Variants in OPCML observed in about 807,000 individuals in gnomAD.
OPCML encodes the protein opioid-binding protein/cell adhesion molecule.
OPCML carries 13 observed loss-of-function variants against 37.8 expected under a neutral mutation model. The ratio of observed to expected loss-of-function variants is 0.34; its 90% CI spans 0.22 to 0.55. OPCML has a LOEUF of 0.55. Among genes scored for constraint, OPCML ranks in the 20% least tolerant of loss-of-function variants. The pLI is 0.91. For synonymous variants in OPCML, 176 were observed against 168.8 expected, an observed-to-expected ratio of 1.04 and a Z score of -0.33; for missense variants, 341 against 435.6, an observed-to-expected ratio of 0.78 and a Z score of 1.93.
chr11:132,640,636 A>G (rs1940795135), intron 3 of OPCML, among the ~76,000 whole-genome samples: 1 of 152,210 alleles, frequency 6.6e-6, no homozygotes, highest in Non-Finnish European at 1.5e-5. Flanking sequence ...CTGTTCATAT[A>G]GAGGGAAAGA....
chr11:132,593,880 T>C (rs925192434), intron 3 of OPCML, among the ~76,000 whole-genome samples: 33 of 152,156 alleles, frequency 2.2e-4, no homozygotes, highest in African/African-American at 7.7e-4. Context: ...AAAATGATGA[T>C]CATAATGATG....
chr11:132,915,813 A>G (rs1446255461), intron 2 of OPCML, among the ~76,000 whole-genome samples: 1 of 152,132 alleles, frequency 6.6e-6, no homozygotes, highest in Admixed American at 6.5e-5. Flanking sequence ...CTATTGAGTA[A>G]TTTATCTTTT....
At chr11:132,507,795 T>C (rs1010268094) in intron 4 of OPCML, among the ~76,000 whole-genome samples, 3 of 151,838 alleles carry the variant, frequency 2.0e-5, no homozygotes, top group Non-Finnish European at 2.9e-5. Flanking sequence ...CTTAAAAATA[T>C]GATAAACTAG....
At chr11:133,064,234 G>C (rs1352004536) in intron 1 of OPCML, among the ~76,000 whole-genome samples, 1 of 152,132 alleles carries the variant, frequency 6.6e-6, no homozygotes, top group Non-Finnish European at 1.5e-5. Flanking sequence ...AACCCAGCGC[G>C]GTTCCCAGAC....
chr11:132,890,923 A>G (rs953828193), intron 2 of OPCML, among the ~76,000 whole-genome samples: 2 of 151,950 alleles, frequency 1.3e-5, no homozygotes, highest in Non-Finnish European at 2.9e-5. Flanking sequence ...TACAAGAAAC[A>G]AAGTCAGAGC....
At chr11:132,942,776 G>A (rs548937191) in intron 2 of OPCML, 150 bp downstream of exon 2, 11 of 981,050 alleles carry the variant, frequency 1.1e-5, no homozygotes, top group Middle Eastern at 5.8e-4. Flanking sequence ...CACGGCAGTC[G>A]GCACGGCAGC....
In OPCML at chr11:133,204,892, A is replaced by ATAT. The variant is rs1938989455; in HGVS notation, c.62-261885_62-261883dup. Among the ~76,000 whole-genome samples the ATAT allele has an allele frequency of 2.2e-5, 3 of 137,350 alleles. No individual in the cohort carries two copies. In the East Asian group the frequency reaches 7.5e-4, roughly 34 times the overall value. The allele number at this position is 137,350 out of a possible 152,430, so 90.1% of individuals were successfully genotyped here. A position where few individuals can be genotyped will look rare whatever the true frequency, so the allele number is the denominator to read the frequency against. On this transcript the variant is annotated intron_variant, in intron 1 of 7. Transcript: ENST00000524381. ...TGTATATATATATATATATATATAT[A>ATAT]TATATATATATATATATACATACAC...
intron 1 of OPCML, among the ~76,000 whole-genome samples, chr11:132,979,510 G>GT (rs754069702): frequency 9.2e-5 from 14 of 152,190 alleles, no homozygotes; most frequent in Non-Finnish European, 1.8e-4. Flanking sequence ...CTGCCGAGAG[G>GT]TTTTTGCTCC....
chr11:133,308,738 A>G lies in OPCML; in HGVS notation c.61+223526T>C, dbSNP rs575664351. On this transcript the variant is annotated intron_variant, in intron 1 of 7. Coordinates refer to ENST00000524381, the MANE Select transcript of OPCML (RefSeq NM_001012393.5). The stretch of plus-strand genomic sequence containing the variant: ...ACAAATACCATTCATCAATACAGAT[A>G]ACAAGGCCTGGCAGAGTTCAGGATT... Among the ~76,000 whole-genome samples the G allele has an allele frequency of 3.3e-5, 5 of 152,332 alleles. No individual in the cohort carries two copies. In the South Asian group the frequency reaches 8.3e-4, roughly 25 times the overall value.
At chr11:133,487,737 T>G (rs910380563) in intron 1 of OPCML, among the ~76,000 whole-genome samples, 1 of 152,006 alleles carries the variant, frequency 6.6e-6, no homozygotes, top group African/African-American at 2.4e-5. Context: ...ATGTGTGATC[T>G]GATTGGGAAA....
In OPCML at chr11:132,418,416, T is replaced by G. The variant is rs1210436098; in HGVS notation, c.*1777A>C. ...AAAGGTGGCTCAGCTCTTGTTTGTA[T>G]GCTGGGTCTGCTTTGAACCTGAAGA... is the stretch of plus-strand genomic sequence containing the variant. On this transcript the variant is annotated 3_prime_UTR_variant, in exon 8 of 8. Coordinates refer to ENST00000524381, the MANE Select transcript of OPCML (RefSeq NM_001012393.5). 1.3e-5 allele frequency: 2 copies of G among 152,564 alleles called. No individual in the cohort carries two copies. Among genetic ancestry groups the G allele is most frequent in the Non-Finnish European group, 2.9e-5 (2 of 68,052 alleles). 9.5% of individuals were successfully genotyped at this position (152,564 alleles called of 1,614,324 possible). A position where few individuals can be genotyped will look rare whatever the true frequency, so the allele number is the denominator to read the frequency against.
chr11:133,514,281 G>A (rs1453253682), intron 1 of OPCML, among the ~76,000 whole-genome samples: 1 of 152,216 alleles, frequency 6.6e-6, no homozygotes, highest in African/African-American at 2.4e-5. Flanking sequence ...GTGCAAGGGA[G>A]GCGAGTTGGC....
At chr11:133,439,377 G>A (rs148194358) in intron 1 of OPCML, 1 of 984,842 alleles carries the variant, frequency 1.0e-6, no homozygotes, top group East Asian at 1.1e-4. Flanking sequence ...ACCTAGATGA[G>A]TTTATAGGAA....
In OPCML at chr11:133,492,372, C is replaced by A. The variant is rs984021290; in HGVS notation, c.61+39892G>T. 9.9e-5 allele frequency among the ~76,000 whole-genome samples: 15 copies of A among 152,058 alleles called. 1 individual carries two copies. The highest frequency in any genetic ancestry group is 2.9e-5 in the Non-Finnish European group (2 of 68,014). On this transcript the variant is annotated intron_variant, in intron 1 of 7. Coordinates refer to ENST00000524381, the MANE Select transcript of OPCML (RefSeq NM_001012393.5). The stretch of plus-strand genomic sequence containing the variant: ...TTTTAGTACTTAATCCCCTAGGAGA[C>A]GAAACTCTCATTCCAAATCAGCTTT...
chr11:132,587,184 C>T (rs1481399837), intron 3 of OPCML, among the ~76,000 whole-genome samples: 1 of 152,148 alleles, frequency 6.6e-6, no homozygotes, highest in Non-Finnish European at 1.5e-5. Context: ...TTATAGCAAG[C>T]ACTAATAGAG....
At chr11:133,391,558 G>C (rs1015423024) in intron 1 of OPCML, among the ~76,000 whole-genome samples, 1 of 152,152 alleles carries the variant, frequency 6.6e-6, no homozygotes, top group Non-Finnish European at 1.5e-5. Flanking sequence ...TGAGCGCTCT[G>C]CTGAGCCACC....
At chr11:132,789,076 C>A (rs964817060) in intron 2 of OPCML, among the ~76,000 whole-genome samples, 1 of 152,128 alleles carries the variant, frequency 6.6e-6, no homozygotes, top group South Asian at 2.1e-4. Context: ...TCCTTCAGAG[C>A]CTTTGAACAT....
At chr11:133,032,605 C>T (rs1275890513) in intron 1 of OPCML, among the ~76,000 whole-genome samples, 1 of 152,148 alleles carries the variant, frequency 6.6e-6, no homozygotes, top group East Asian at 1.9e-4. Flanking sequence ...ATTTAAATAT[C>T]TTTTTCCAAC....
At chr11:133,180,955 C>T (rs1473381196) in intron 1 of OPCML, among the ~76,000 whole-genome samples, 3 of 151,666 alleles carry the variant, frequency 2.0e-5, no homozygotes, top group Non-Finnish European at 1.5e-5. Context: ...AGCCAGAAAA[C>T]GGGAAACACC....
Sources: allele counts gnomAD v4.1 joint callset (sites outside exome capture counted in the v4.1 genomes callset), GRCh38; gene constraint gnomAD v4.1.1; transcripts MANE v1.5; gene names NCBI Gene and HGNC (gene_info 2026-07-23, HGNC 2026-07-21).